The following EDARADD variants were observed in gnomAD, a reference collection of about 807,000 sequenced individuals.
EDARADD encodes ectodysplasin-A receptor-associated adapter protein.
EDARADD carries 20 observed loss-of-function variants against 25.6 expected under a neutral mutation model. That is an observed-to-expected ratio of 0.78 (90% CI 0.55 to 1.14). The LOEUF (loss-of-function observed/expected upper bound fraction) is 1.14. Among genes scored for constraint, EDARADD ranks in the 50% most tolerant of loss-of-function variants. The pLI is 0.00. For missense variants in EDARADD, 225 were observed against 270.1 expected, an observed-to-expected ratio of 0.83 and a Z score of 1.17; for synonymous variants, 86 against 94.4, an observed-to-expected ratio of 0.91 and a Z score of 0.52.
At chr1:236,476,242 C>T (rs1659501120) in intron 5 of EDARADD, among the ~76,000 whole-genome samples, 1 of 150,364 alleles carries the variant, frequency 6.7e-6, no homozygotes. Context: ...AGGAGCTTTA[C>T]AGAAACCTTC....
chr1:236,356,843 G>A (rs560894553), intron 3 of EDARADD, among the ~76,000 whole-genome samples: 22 of 152,260 alleles, frequency 1.4e-4, no homozygotes, highest in Middle Eastern at 6.8e-3. Context: ...CAGCACTTTG[G>A]GAGGCCGAGG....
At chr1:236,366,741 C>CTCTTT (rs146073425) in intron 3 of EDARADD, among the ~76,000 whole-genome samples, 40 of 144,288 alleles carry the variant, frequency 2.8e-4, no homozygotes, top group Admixed American at 2.1e-3. Context: ...TCATCTCTCT[C>CTCTTT]TTTTTTTTGT....
intron 1 of EDARADD, among the ~76,000 whole-genome samples, chr1:236,404,377 C>G (rs1271138463): frequency 6.6e-6 from 1 of 152,192 alleles, no homozygotes; most frequent in Non-Finnish European, 1.5e-5. Context: ...ACACTCACAT[C>G]TGGACCTGTG....
At chr1:236,452,286 C>G (rs544726915) in intron 4 of EDARADD, among the ~76,000 whole-genome samples, 1 of 152,292 alleles carries the variant, frequency 6.6e-6, no homozygotes, top group Admixed American at 6.5e-5. Flanking sequence ...TCACTCCTTC[C>G]GTGAATTTCT....
chr1:236,360,296 G>C (rs1667030601), intron 3 of EDARADD, among the ~76,000 whole-genome samples: 1 of 151,988 alleles, frequency 6.6e-6, no homozygotes, highest in Non-Finnish European at 1.5e-5. Context: ...CTCCAGCCTG[G>C]ACAACAGAGC....
chr1:236,483,033 T>A lies in EDARADD; in HGVS notation c.*384T>A, dbSNP rs1349834074. The A allele has an allele frequency of 4.6e-6, 3 of 650,782 alleles. No homozygotes were observed. The highest frequency in any genetic ancestry group is 5.3e-6 in the Non-Finnish European group (2 of 375,182). 40.3% of individuals were successfully genotyped at this position (650,782 alleles called of 1,614,324 possible). A position where few individuals can be genotyped will look rare whatever the true frequency, so the allele number is the denominator to read the frequency against. ...CCCCAGACATACCCACAGCATTATA[T>A]GTAACATCTCTCCTGATCAGTGCCA... On this transcript the variant is annotated 3_prime_UTR_variant, in exon 6 of 6. Coordinates refer to ENST00000334232, the MANE Select transcript of EDARADD (RefSeq NM_145861.4).
At chr1:236,428,484 G>C (rs937136797) in intron 4 of EDARADD, among the ~76,000 whole-genome samples, 3 of 152,092 alleles carry the variant, frequency 2.0e-5, no homozygotes, top group Non-Finnish European at 4.4e-5. Flanking sequence ...TGAGCTGTTG[G>C]GTACACCGCC....
upstream of EDARADD, among the ~76,000 whole-genome samples, chr1:236,392,177 T>C (rs1235686556): frequency 6.6e-6 from 1 of 152,234 alleles, no homozygotes; most frequent in Non-Finnish European, 1.5e-5. Flanking sequence ...CATTGCTCCA[T>C]GCTGTGTACA....
At position 236,483,214 on chromosome 1, in the gene EDARADD, A is replaced by G; in HGVS notation, c.*565A>G. 6.3e-7 allele frequency: 1 copy of G among 1,585,596 alleles called. No homozygotes were observed. The highest frequency in any genetic ancestry group is 8.6e-7 in the Non-Finnish European group (1 of 1,156,206). On this transcript the variant is annotated 3_prime_UTR_variant, in exon 6 of 6. Transcript: ENST00000334232. ...AGGGAGCTCTTTGACTCTCGTGGGA[A>G]TCCCACTGTTGAGGTTGATCTCTTC...
intron 3 of EDARADD, among the ~76,000 whole-genome samples, chr1:236,421,487 T>C (rs1657782772): frequency 7.6e-6 from 1 of 131,496 alleles, no homozygotes; most frequent in Non-Finnish European, 1.6e-5. Flanking sequence ...ACCTTCCCAG[T>C]TCTTTTTTTT....
chr1:236,414,258 A>T lies in EDARADD; in HGVS notation c.121-2A>T. The T allele has an allele frequency of 6.2e-7, 1 of 1,609,842 alleles. No homozygotes were observed. ...ATTCTCCTCTTTTGTTGGTTTCTACAGTCAGACAAATATCCCATTCAAGAT... is the reference window on the plus strand; with the variant it reads ...ATTCTCCTCTTTTGTTGGTTTCTACTGTCAGACAAATATCCCATTCAAGAT... On this transcript the variant is annotated splice_acceptor_variant, in intron 2 of 5. Transcript: ENST00000334232. LOFTEE classifies it high-confidence loss of function.
chr1:236,442,656 A>G (rs1365509338), intron 4 of EDARADD, among the ~76,000 whole-genome samples: 2 of 152,222 alleles, frequency 1.3e-5, no homozygotes, highest in Non-Finnish European at 2.9e-5. Flanking sequence ...CCAGGCTTGG[A>G]TAACAGCACA....
chr1:236,375,668 A>AAT (rs1236525668), intron 3 of EDARADD, among the ~76,000 whole-genome samples: 17 of 151,058 alleles, frequency 1.1e-4, no homozygotes, highest in South Asian at 2.1e-4. Flanking sequence ...AAAAAAAAAA[A>AAT]AAAAAGATAA....
intron 4 of EDARADD, among the ~76,000 whole-genome samples, chr1:236,453,203 C>G (rs960736836): frequency 5.9e-5 from 9 of 151,884 alleles, no homozygotes; most frequent in African/African-American, 2.2e-4. Flanking sequence ...TAACTACAGT[C>G]TTGTGCTGCA....
At chr1:236,389,227 G>A (rs569195052) in intron 3 of EDARADD, among the ~76,000 whole-genome samples, 2 of 152,246 alleles carry the variant, frequency 1.3e-5, no homozygotes, top group South Asian at 4.2e-4. Context: ...GGATCCCGAG[G>A]CTACAGGAGG....
chr1:236,394,662 G>A (rs1667482895), intron 1 of EDARADD, among the ~76,000 whole-genome samples, 157 bp downstream of exon 1: 1 of 152,186 alleles, frequency 6.6e-6, no homozygotes, highest in South Asian at 2.1e-4. Flanking sequence ...TGTGAAGGCA[G>A]AGAAAGATTA....
At chr1:236,473,374 C>G (rs680578) in intron 5 of EDARADD, among the ~76,000 whole-genome samples, 99,830 of 151,966 alleles carry the variant, frequency 0.66, 33,084 homozygotes, top group African/African-American at 0.69. Flanking sequence ...TGGGGCAAAG[C>G]CCCTGAGGCT....
At chr1:236,432,313 T>C (rs1342933960) in intron 4 of EDARADD, among the ~76,000 whole-genome samples, 2 of 150,514 alleles carry the variant, frequency 1.3e-5, no homozygotes, top group Non-Finnish European at 3.0e-5. Flanking sequence ...CGCTTAAACC[T>C]GGGAAGCAGA....
At chr1:236,434,038 A>G (rs907134455) in intron 4 of EDARADD, among the ~76,000 whole-genome samples, 2 of 152,174 alleles carry the variant, frequency 1.3e-5, no homozygotes, top group African/African-American at 2.4e-5. Context: ...GTCATGGTCA[A>G]TGGCAGCACG....
Sources: gnomAD v4.1 joint callset for allele counts (sites outside exome capture counted in the v4.1 genomes callset) on GRCh38, gnomAD v4.1.1 for gene constraint, MANE v1.5 for transcripts, NCBI Gene and HGNC (gene_info 2026-07-23, HGNC 2026-07-21) for gene names.